SLC9A9: variants seen among roughly 807,000 people sequenced by gnomAD.
SLC9A9 encodes the protein sodium/hydrogen exchanger 9.
In SLC9A9, 62 loss-of-function variants were observed where a neutral mutation model predicts 77.8. The ratio of observed to expected loss-of-function variants is 0.80; its 90% CI spans 0.65 to 0.98. SLC9A9 has a LOEUF of 0.98. Among genes scored for constraint, SLC9A9 ranks in the 50% least tolerant of loss-of-function variants. The probability of loss-of-function intolerance (pLI) is 0.00; values close to 1 mark genes in which losing one functional copy is unlikely to be tolerated. For synonymous variants in SLC9A9, 320 were observed against 283.5 expected (o/e 1.13, Z -1.29); for missense variants, 775 against 774.9 (o/e 1.00, Z 0.00).
intron 12 of SLC9A9, among the ~76,000 whole-genome samples, chr3:143,458,752 T>C (rs2035137169): frequency 6.6e-6 from 1 of 152,078 alleles, no homozygotes; most frequent in Non-Finnish European, 1.5e-5. Context: ...CATAAGACAA[T>C]GTTAAAATTT....
intron 14 of SLC9A9, among the ~76,000 whole-genome samples, chr3:143,270,682 G>GAA (rs11371772): frequency 6.0e-5 from 9 of 149,542 alleles, no homozygotes; most frequent in Admixed American, 2.0e-4. Flanking sequence ...CATGTTAAAA[G>GAA]AAAAAAAAAA....
chr3:143,502,782 T>C (rs2108597897), intron 9 of SLC9A9, among the ~76,000 whole-genome samples: 1 of 152,320 alleles, frequency 6.6e-6, no homozygotes, highest in African/African-American at 2.4e-5. Context: ...GCAATGAAAA[T>C]TAAATGAAAT....
intron 14 of SLC9A9, among the ~76,000 whole-genome samples, chr3:143,326,788 A>G (rs541074173): frequency 2.0e-5 from 3 of 152,224 alleles, no homozygotes; most frequent in Non-Finnish European, 2.9e-5. Flanking sequence ...CTGCATGGTA[A>G]CAAGGGCTGT....
chr3:143,318,482 C>T (rs773399904), intron 14 of SLC9A9, among the ~76,000 whole-genome samples: 26 of 152,168 alleles, frequency 1.7e-4, no homozygotes, highest in Non-Finnish European at 2.8e-4. Context: ...TGCTTGTTCA[C>T]AACACATCAT....
At chr3:143,772,243 C>A (rs2007549114) in intron 4 of SLC9A9, among the ~76,000 whole-genome samples, 1 of 152,142 alleles carries the variant, frequency 6.6e-6, no homozygotes, top group South Asian at 2.1e-4. Context: ...GCGTACCCAA[C>A]TAACAACCAA....
chr3:143,285,872 T>G (rs916770028), intron 14 of SLC9A9, among the ~76,000 whole-genome samples: 3 of 152,190 alleles, frequency 2.0e-5, no homozygotes, highest in Non-Finnish European at 4.4e-5. Flanking sequence ...GAGAGGACCA[T>G]GGAACAGGAG....
intron 14 of SLC9A9, among the ~76,000 whole-genome samples, chr3:143,299,947 T>C (rs1349100870): frequency 6.6e-6 from 1 of 152,204 alleles, no homozygotes; most frequent in Non-Finnish European, 1.5e-5. Flanking sequence ...TGTCCAACAA[T>C]TGGCAAAATG....
Position 143,775,922 on chromosome 3 carries a change from A to G in SLC9A9, c.533+19079T>C, listed in dbSNP as rs192706830. On this transcript the variant is annotated intron_variant, in intron 4 of 15. Coordinates refer to ENST00000316549, the MANE Select transcript of SLC9A9 (RefSeq NM_173653.4). Reference sequence around the variant, plus strand: ...ACAATAACACACCGTGGTGCCTTTAAGCACCGTTAAAATCTAGCTTCAACT... The same window carrying G: ...ACAATAACACACCGTGGTGCCTTTAGGCACCGTTAAAATCTAGCTTCAACT... Among the ~76,000 whole-genome samples the G allele has an allele frequency of 3.6e-3, 550 of 152,306 alleles. 3 individuals carry two copies. The highest frequency in any genetic ancestry group is 0.013 in the African/African-American group (533 of 41,566).
chr3:143,753,438 A>G (rs2006813347), intron 4 of SLC9A9, among the ~76,000 whole-genome samples: 3 of 152,214 alleles, frequency 2.0e-5, no homozygotes, highest in Non-Finnish European at 4.4e-5. Context: ...CTCTGGATGG[A>G]TGAAAGAACA....
chr3:143,620,145 G>T (rs1368638580), intron 6 of SLC9A9, among the ~76,000 whole-genome samples: 1 of 152,092 alleles, frequency 6.6e-6, no homozygotes, highest in African/African-American at 2.4e-5. Context: ...ACCTTTAAAA[G>T]ACTTTTTTGA....
At chr3:143,441,848 A>G (rs1359056988) in intron 12 of SLC9A9, among the ~76,000 whole-genome samples, 8 of 151,744 alleles carry the variant, frequency 5.3e-5, no homozygotes, top group East Asian at 3.9e-4. Flanking sequence ...CCATCCATCC[A>G]TCCATCCATC....
chr3:143,666,439 C>T (rs2039070973), intron 5 of SLC9A9, among the ~76,000 whole-genome samples: 1 of 152,174 alleles, frequency 6.6e-6, no homozygotes, highest in South Asian at 2.1e-4. Context: ...CAGGGATGCC[C>T]TCTCTCACCA....
chr3:143,582,580 T>G (rs1462554825), intron 6 of SLC9A9, among the ~76,000 whole-genome samples: 1 of 152,108 alleles, frequency 6.6e-6, no homozygotes, highest in Non-Finnish European at 1.5e-5. Context: ...CACTTTTGCA[T>G]AAGAACAACA....
At chr3:143,746,082 G>A (rs1284766156) in intron 4 of SLC9A9, among the ~76,000 whole-genome samples, 1 of 152,232 alleles carries the variant, frequency 6.6e-6, no homozygotes, top group Non-Finnish European at 1.5e-5. Context: ...TAGGCAGGGT[G>A]TAGGTCATGT....
At chr3:143,717,400 T>C (rs920248936) in intron 4 of SLC9A9, among the ~76,000 whole-genome samples, 1 of 152,200 alleles carries the variant, frequency 6.6e-6, no homozygotes, top group Non-Finnish European at 1.5e-5. Flanking sequence ...AAGTTGAAAA[T>C]TGGTTGTTGA....
In SLC9A9 at chr3:143,794,850, G is replaced by A. The variant is rs772531540; in HGVS notation, c.533+151C>T. On this transcript the variant is annotated intron_variant, in intron 4 of 15. Coordinates refer to ENST00000316549, the MANE Select transcript of SLC9A9 (RefSeq NM_173653.4). ...TGAAGCCTTGTATTTGTCAGAAGCC[G>A]TGGAATTAAGTCAGAAAAAACATAC... 45 of 721,094 alleles carry A rather than the reference G, an allele frequency of 6.2e-5. 1 individual carries two copies. Among genetic ancestry groups the A allele is most frequent in the East Asian group, 4.1e-4 (15 of 36,948 alleles). The allele number at this position is 721,094 out of a possible 1,614,324, so 44.7% of individuals were successfully genotyped here. A position where few individuals can be genotyped will look rare whatever the true frequency, so the allele number is the denominator to read the frequency against.
At chr3:143,758,774 T>C (rs2007014783) in intron 4 of SLC9A9, among the ~76,000 whole-genome samples, 1 of 152,080 alleles carries the variant, frequency 6.6e-6, no homozygotes, top group Non-Finnish European at 1.5e-5. Flanking sequence ...GAAAGAGTCC[T>C]CTGAACCTTC....
intron 9 of SLC9A9, among the ~76,000 whole-genome samples, chr3:143,500,902 T>G (rs1384978680): frequency 6.7e-6 from 1 of 149,726 alleles, no homozygotes; most frequent in East Asian, 1.9e-4. Flanking sequence ...AAAATAAGAG[T>G]TTTATAATAT....
At chr3:143,569,814 CTT>C (rs530202918) in intron 8 of SLC9A9, among the ~76,000 whole-genome samples, 50 of 133,330 alleles carry the variant, frequency 3.8e-4, no homozygotes, top group Non-Finnish European at 5.0e-4. Context: ...TTGTTTTTTT[CTT>C]TTTTTTTTTT....
Sources: allele counts gnomAD v4.1 joint callset (sites outside exome capture counted in the v4.1 genomes callset), GRCh38; gene constraint gnomAD v4.1.1; transcripts MANE v1.5; gene names NCBI Gene and HGNC (gene_info 2026-07-23, HGNC 2026-07-21).